MIER2: variants seen among roughly 807,000 people sequenced by gnomAD.
MIER2 encodes the protein MIER family member 2, also known as mesoderm induction early response protein 2.
Under a neutral mutation model 67.6 loss-of-function variants are expected in MIER2, and 30 were observed. That is an observed-to-expected ratio of 0.44 (90% CI 0.33 to 0.60). The LOEUF is 0.60. Among genes scored for constraint, MIER2 ranks in the 20% least tolerant of loss-of-function variants. The pLI is 0.02. For missense variants in MIER2, 702 were observed against 745.1 expected (o/e 0.94, Z 0.67); for synonymous variants, 372 against 312.6 (o/e 1.19, Z -2.00).
At chr19:336,990 G>A (rs552761343) in intron 1 of MIER2, among the ~76,000 whole-genome samples, 5 of 152,056 alleles carry the variant, frequency 3.3e-5, no homozygotes, top group African/African-American at 9.6e-5. Flanking sequence ...CTACAGGTGC[G>A]CACCACCACG....
At chr19:335,989 G>T in intron 2 of MIER2, 94 bp downstream of exon 2, 4 of 1,246,930 alleles carry the variant, frequency 3.2e-6, no homozygotes, top group Non-Finnish European at 4.6e-6. Flanking sequence ...CCAGTGTGCC[G>T]GTCCACAGCT....
Position 308,494 on chromosome 19 carries a change from G to A in MIER2, c.1198+83C>T. On this transcript the variant is annotated intron_variant, in intron 12 of 13. Coordinates refer to ENST00000264819, the MANE Select transcript of MIER2 (RefSeq NM_017550.3). The surrounding 1 kb of genome is among the most constrained non-coding windows in gnomAD (Gnocchi z 9.1). Reference sequence around the variant, plus strand: ...GAGGCTGGCCCAGCACAGGGCGCCAGGCAGGAGAGGCTCCACCGGGCCTCA... The same window carrying A: ...GAGGCTGGCCCAGCACAGGGCGCCAAGCAGGAGAGGCTCCACCGGGCCTCA... 1 of 1,422,056 alleles carries A rather than the reference G, an allele frequency of 7.0e-7. No homozygotes were observed. The highest frequency in any genetic ancestry group is 9.5e-7 in the Non-Finnish European group (1 of 1,051,994). 88.1% of individuals were successfully genotyped at this position (1,422,056 alleles called of 1,614,324 possible).
At position 307,403 on chromosome 19, in the gene MIER2, A is replaced by G. The variant is rs775907843; in HGVS notation, c.1332T>C (p.His444=). The G allele has an allele frequency of 6.2e-7, 1 of 1,607,348 alleles. No homozygotes were observed. The highest frequency in any genetic ancestry group is 8.5e-7 in the Non-Finnish European group (1 of 1,178,236). Residue 444 remains histidine, a synonymous_variant, in exon 13 of 14, where the codon CAT becomes CAC. Transcript: ENST00000264819. ...CTGGGTCGGCCAGGGCTGGGGGCCG[A>G]TGGGACAGGGGTACAGCGGGGGACT... The part of the protein sequence containing the change: ...LDESPAVPLS[H]RPPALADPAS...
At chr19:316,305 T>TTC (rs1049695183) in intron 7 of MIER2, among the ~76,000 whole-genome samples, 10 of 152,130 alleles carry the variant, frequency 6.6e-5, no homozygotes, top group African/African-American at 2.2e-4. Flanking sequence ...AGATTTTTTT[T>TTC]TTTTGGAGAT....
chr19:309,026 G>T, intron 10 of MIER2, 101 bp from the exon 11 acceptor site: 1 of 1,489,294 alleles, frequency 6.7e-7, no homozygotes, highest in African/African-American at 1.4e-5. Context: ...CAGCACAGAA[G>T]GAGCACAGCA....
Position 327,228 on chromosome 19 carries a change from C to T in MIER2, c.398G>A (p.Gly133Glu). 1.3e-6 allele frequency: 2 copies of T among 1,585,354 alleles called. No individual in the cohort carries two copies. The highest frequency in any genetic ancestry group is 1.7e-6 in the Non-Finnish European group (2 of 1,171,678). ...KEQIAKDLLS[G>E]EEEEETQSSA... ...TGATTGCGTCTCTTCCTCTTCTTCC[C>T]CTGAAAGCAAATCCTTCGCTATTTG... The change falls in exon 5 of 14, where the codon GGG becomes GAG. Residue 133 changes from glycine to glutamate, a missense_variant. Coordinates refer to ENST00000264819, the MANE Select transcript of MIER2 (RefSeq NM_017550.3).
At position 308,440 on chromosome 19, in the gene MIER2, C is replaced by T; in HGVS notation, c.1198+137G>A. ...GGCATCCACATCACGTGGCTGCCCTCCGCCACCCAGACGCCCACTCCTCCT... is the reference window on the plus strand; with the variant it reads ...GGCATCCACATCACGTGGCTGCCCTTCGCCACCCAGACGCCCACTCCTCCT... On this transcript the variant is annotated intron_variant, in intron 12 of 13. Coordinates refer to ENST00000264819, the MANE Select transcript of MIER2 (RefSeq NM_017550.3). This position sits in a 1 kb window ranked among gnomAD's most constrained non-coding sequence, Gnocchi z 9.1. 1.1e-6 allele frequency: 1 copy of T among 896,616 alleles called. No homozygotes were observed. Among genetic ancestry groups the T allele is most frequent in the Non-Finnish European group, 1.7e-6 (1 of 600,166 alleles). The allele number at this position is 896,616 out of a possible 1,614,324, so 55.5% of individuals were successfully genotyped here.
chr19:334,590 CA>C, intron 2 of MIER2, 48 bp from the exon 3 acceptor site: 6 of 1,594,532 alleles, frequency 3.8e-6, no homozygotes, highest in Non-Finnish European at 5.1e-6. Flanking sequence ...TCGCCTGTCC[CA>C]ACCATCCTGC....
chr19:330,064 G>A (rs747287043), intron 3 of MIER2, among the ~76,000 whole-genome samples: 25 of 152,012 alleles, frequency 1.6e-4, no homozygotes, highest in Non-Finnish European at 2.6e-4. Flanking sequence ...GTTCCTGGTC[G>A]TTTCACCTGA....
chr19:321,998 G>A (rs1054286395), intron 7 of MIER2, among the ~76,000 whole-genome samples: 10 of 151,986 alleles, frequency 6.6e-5, no homozygotes, highest in African/African-American at 9.7e-5. Context: ...TCCGCCTCCC[G>A]GGTTCACGCC....
intron 2 of MIER2, 69 bp downstream of exon 2, chr19:336,014 A>C: frequency 6.8e-7 from 1 of 1,466,524 alleles, no homozygotes; most frequent in East Asian, 2.3e-5. Flanking sequence ...CAGGCCCAGC[A>C]GGCATTCTGT....
chr19:323,683 G>A (rs560540316), intron 7 of MIER2, among the ~76,000 whole-genome samples: 1 of 149,842 alleles, frequency 6.7e-6, no homozygotes, highest in African/African-American at 2.5e-5. Context: ...CCAAACCAAG[G>A]ACCACAATGC....
At chr19:336,279 T>G (rs11879189) in intron 1 of MIER2, 106 bp from the exon 2 acceptor site, 104,631 of 889,998 alleles carry the variant, frequency 0.12, 9,796 homozygotes, top group African/African-American at 0.41. Context: ...CAGTCCCCAG[T>G]GACCAGGGAA....
chr19:309,475 C>T (rs1970822199), intron 10 of MIER2, among the ~76,000 whole-genome samples: 1 of 152,114 alleles, frequency 6.6e-6, no homozygotes, highest in African/African-American at 2.4e-5. Context: ...GAAGACACCG[C>T]AGAAGGACAC....
chr19:315,355 G>A (rs960011137), intron 7 of MIER2, among the ~76,000 whole-genome samples: 1 of 152,258 alleles, frequency 6.6e-6, no homozygotes, highest in Admixed American at 6.5e-5. Flanking sequence ...AGAAGAGCGA[G>A]ACTCCGTCTC....
chr19:334,939 C>T (rs199829403), intron 2 of MIER2, among the ~76,000 whole-genome samples: 3 of 152,132 alleles, frequency 2.0e-5, no homozygotes, highest in East Asian at 1.9e-4. Flanking sequence ...ACGGGGGTGA[C>T]GCTGAACCCT....
At chr19:309,616 G>A (rs1297178199) in intron 10 of MIER2, among the ~76,000 whole-genome samples, 26 of 113,036 alleles carry the variant, frequency 2.3e-4, no homozygotes, top group African/African-American at 5.1e-4. Context: ...AGACGAGAAG[G>A]GACACACACA....
Position 311,866 on chromosome 19 carries a change from A to G in MIER2, c.963T>C (p.Phe321=), listed in dbSNP as rs1971020180. ...EHGFRVHGKN[F]HLIQANKVRT... Reference sequence around the variant, plus strand: ...GCACCTTGTTGGCCTGGATCAGGTGAAAGTTCTTTCCATGCACACGGAAGC... The same window carrying G: ...GCACCTTGTTGGCCTGGATCAGGTGGAAGTTCTTTCCATGCACACGGAAGC... The change falls in exon 10 of 14, where the codon TTT becomes TTC. Residue 321 remains phenylalanine, a synonymous_variant. Transcript: ENST00000264819. 1 of 1,614,080 alleles carries G rather than the reference A, an allele frequency of 6.2e-7. No individual in the cohort carries two copies. Among genetic ancestry groups the G allele is most frequent in the Non-Finnish European group, 8.5e-7 (1 of 1,179,956 alleles).
At chr19:330,805 G>T (rs1299277276) in intron 3 of MIER2, among the ~76,000 whole-genome samples, 3 of 152,144 alleles carry the variant, frequency 2.0e-5, no homozygotes, top group African/African-American at 7.2e-5. Context: ...GCCGGCACCA[G>T]AACCCACTCT....
Sources: allele counts gnomAD v4.1 joint callset (sites outside exome capture counted in the v4.1 genomes callset), GRCh38; gene constraint gnomAD v4.1.1; non-coding constraint Gnocchi (gnomAD v3.1); transcripts MANE v1.5; gene names NCBI Gene and HGNC (gene_info 2026-07-23, HGNC 2026-07-21).